DCLK1: variants seen among roughly 807,000 people sequenced by gnomAD.
DCLK1 encodes the protein doublecortin like kinase 1, also known as serine/threonine-protein kinase DCLK1.
In DCLK1, 16 loss-of-function variants were observed where a neutral mutation model predicts 86.2. That is an observed-to-expected ratio of 0.19 (90% CI 0.13 to 0.28). The LOEUF is 0.28. DCLK1 is among the 10% of genes least tolerant of loss of function. The pLI is 1.00. For synonymous variants in DCLK1, 369 were observed against 370.5 expected (o/e 1.00, Z 0.05); for missense variants, 590 against 940.2 (o/e 0.63, Z 4.87).
chr13:36,087,456 GAGTT>G (rs1223635416), intron 3 of DCLK1, among the ~76,000 whole-genome samples: 61 of 152,298 alleles, frequency 4.0e-4, no homozygotes, highest in Non-Finnish European at 7.3e-5. Context: ...AATTAACAAA[GAGTT>G]AGGAGATAGT....
In DCLK1 at chr13:36,069,872, AT is replaced by A. The variant is rs1197787181; in HGVS notation, c.723+41996del. On this transcript the variant is annotated intron_variant, in intron 3 of 16. Transcript: ENST00000360631. Reference sequence around the variant, plus strand: ...TCAGAACTTGGTGCTATACCTTAAAATTAACACTAGAGCAACAGCATCCATC... The same window carrying A: ...TCAGAACTTGGTGCTATACCTTAAAATAACACTAGAGCAACAGCATCCATC... 1.9e-4 allele frequency among the ~76,000 whole-genome samples: 29 copies of A among 152,338 alleles called. No individual in the cohort carries two copies. The East Asian group carries it at 4.8e-3, about 25-fold the overall frequency.
At chr13:35,851,108 T>C (rs1381154753) in intron 6 of DCLK1, among the ~76,000 whole-genome samples, 1 of 152,196 alleles carries the variant, frequency 6.6e-6, no homozygotes, top group East Asian at 1.9e-4. Flanking sequence ...GACCATTTCC[T>C]TCCCATTCTT....
chr13:35,930,421 T>C (rs1876365393), intron 4 of DCLK1, among the ~76,000 whole-genome samples: 1 of 152,210 alleles, frequency 6.6e-6, no homozygotes, highest in African/African-American at 2.4e-5. Flanking sequence ...TGTCTTCCTC[T>C]GTAGGACTTG....
intron 3 of DCLK1, among the ~76,000 whole-genome samples, chr13:36,036,756 T>G (rs1882517803): frequency 6.6e-6 from 1 of 152,174 alleles, no homozygotes; most frequent in East Asian, 1.9e-4. Flanking sequence ...AATACGTTAA[T>G]TTTGAATGTA....
At chr13:36,024,960 TTTTC>T (rs1302832850) in intron 3 of DCLK1, among the ~76,000 whole-genome samples, 1 of 151,514 alleles carries the variant, frequency 6.6e-6, no homozygotes. Flanking sequence ...TTTTCTTTTC[TTTTC>T]TTTCTTTTTT....
chr13:36,028,388 C>G (rs187911381), intron 3 of DCLK1, among the ~76,000 whole-genome samples: 87 of 152,310 alleles, frequency 5.7e-4, no homozygotes, highest in African/African-American at 2.0e-3. Flanking sequence ...TCATGGACTT[C>G]AATGTTCCAC....
At chr13:35,841,169 C>T (rs1869764464) in intron 6 of DCLK1, among the ~76,000 whole-genome samples, 1 of 152,150 alleles carries the variant, frequency 6.6e-6, no homozygotes, top group East Asian at 1.9e-4. Context: ...TGCCTTGTCA[C>T]GTGGCGTTTT....
chr13:36,024,757 T>C (rs1238077216), intron 3 of DCLK1, among the ~76,000 whole-genome samples: 4 of 151,814 alleles, frequency 2.6e-5, no homozygotes, highest in African/African-American at 9.7e-5. Context: ...CTTATGGAAA[T>C]ATAAGGAACT....
At chr13:35,797,645 G>A (rs1419985171) in intron 15 of DCLK1, among the ~76,000 whole-genome samples, 2 of 151,840 alleles carry the variant, frequency 1.3e-5, no homozygotes, top group Non-Finnish European at 2.9e-5. Context: ...AGCTGGAGTA[G>A]GTAAAACACA....
At chr13:35,916,210 C>A (rs1402888920) in intron 4 of DCLK1, among the ~76,000 whole-genome samples, 4 of 152,176 alleles carry the variant, frequency 2.6e-5, no homozygotes, top group Non-Finnish European at 4.4e-5. Context: ...CAAATAAGCA[C>A]CATAAATAAC....
chr13:36,046,451 C>T (rs1882918240), intron 3 of DCLK1, among the ~76,000 whole-genome samples: 1 of 152,160 alleles, frequency 6.6e-6, no homozygotes, highest in Non-Finnish European at 1.5e-5. Context: ...TTTCTAGATC[C>T]ATAAATCACA....
chr13:36,131,567 C>G (rs1038571519), upstream of DCLK1, among the ~76,000 whole-genome samples: 2 of 152,156 alleles, frequency 1.3e-5, no homozygotes, highest in Admixed American at 1.3e-4. Context: ...CCGCAGCAAC[C>G]TCGGTGCATC....
Position 36,125,772 on chromosome 13 carries a change from T to C in DCLK1, c.366A>G (p.Gln122=), listed in dbSNP as rs776651080. The C allele has an allele frequency of 3.7e-6, 6 of 1,613,092 alleles. No homozygotes were observed. The highest frequency in any genetic ancestry group is 3.3e-5 in the Admixed American group (2 of 60,000). Reference sequence around the variant, plus strand: ...TCTCACAGCGCTCACCTTCCACCAGTTGGTCCAGGCTGGAAATCTTCTTGA... The same window carrying C: ...TCTCACAGCGCTCACCTTCCACCAGCTGGTCCAGGCTGGAAATCTTCTTGA... The part of the protein sequence containing the change: ...DGLKKISSLD[Q]LVEGESYVCG... The change falls in exon 2 of 17, where the codon CAA becomes CAG. Residue 122 remains glutamine (Q), a synonymous_variant. Coordinates refer to ENST00000360631, the MANE Select transcript of DCLK1 (RefSeq NM_001330071.2).
At chr13:35,886,263 A>G (rs1433554315) in intron 4 of DCLK1, among the ~76,000 whole-genome samples, 1 of 152,070 alleles carries the variant, frequency 6.6e-6, no homozygotes, top group East Asian at 1.9e-4. Flanking sequence ...TGCCCGCCTC[A>G]GCCTCCCAAA....
chr13:35,837,248 T>G (rs182267299), intron 7 of DCLK1, among the ~76,000 whole-genome samples: 17 of 152,386 alleles, frequency 1.1e-4, no homozygotes, highest in African/African-American at 4.1e-4. Context: ...GATGCTCAGT[T>G]GGCATCAATC....
chr13:36,050,996 A>G lies in DCLK1; in HGVS notation c.723+60873T>C, dbSNP rs556273038. On this transcript the variant is annotated intron_variant, in intron 3 of 16. Transcript: ENST00000360631. Reference sequence around the variant, plus strand: ...TCAACAAGCCATTCACAACAATGATACATCAGCCAATGAGAAGTGATGCTA... The same window carrying G: ...TCAACAAGCCATTCACAACAATGATGCATCAGCCAATGAGAAGTGATGCTA... Among the ~76,000 whole-genome samples, 8 of 152,306 alleles carry G rather than the reference A, an allele frequency of 5.3e-5. No homozygotes were observed. In the East Asian group the frequency reaches 1.5e-3, roughly 29 times the overall value.
chr13:35,804,384 T>A (rs1015475439), intron 15 of DCLK1, among the ~76,000 whole-genome samples: 1 of 151,750 alleles, frequency 6.6e-6, no homozygotes, highest in Admixed American at 6.6e-5. Context: ...TCTGCCCACC[T>A]TGGGCTCCCA....
chr13:35,956,895 C>A (rs1878017446), intron 3 of DCLK1, among the ~76,000 whole-genome samples: 1 of 152,144 alleles, frequency 6.6e-6, no homozygotes, highest in African/African-American at 2.4e-5. Flanking sequence ...TACGTAAACC[C>A]ATACAAAATG....
intron 3 of DCLK1, among the ~76,000 whole-genome samples, chr13:36,038,620 T>C (rs1229967407): frequency 6.6e-6 from 1 of 152,168 alleles, no homozygotes; most frequent in Non-Finnish European, 1.5e-5. Flanking sequence ...AGCAACATAT[T>C]TGGTGATGCT....
Sources: gnomAD v4.1 joint callset for allele counts (sites outside exome capture counted in the v4.1 genomes callset) on GRCh38, gnomAD v4.1.1 for gene constraint, MANE v1.5 for transcripts, NCBI Gene and HGNC (gene_info 2026-07-23, HGNC 2026-07-21) for gene names.